The following TSHZ2 variants were observed in gnomAD, a reference collection of about 807,000 sequenced individuals.
TSHZ2 encodes teashirt zinc finger homeobox 2, also known as teashirt homolog 2.
Under a neutral mutation model 74.4 loss-of-function variants are expected in TSHZ2, and 21 were observed. The observed-to-expected ratio is 0.28, with a 90% CI of 0.20 to 0.41. The LOEUF is 0.41. Ranked by LOEUF, TSHZ2 falls within the 10% of genes least tolerant of loss-of-function variation. TSHZ2 has a pLI of 1.00. For synonymous variants in TSHZ2, 540 were observed against 515.3 expected (o/e 1.05, Z -0.65); for missense variants, 1,244 against 1,293.5 (o/e 0.96, Z 0.59).
chr20:53,002,626 AAAT>A (rs1490270502), intron 1 of TSHZ2, among the ~76,000 whole-genome samples: 1 of 151,472 alleles, frequency 6.6e-6, no homozygotes, highest in Admixed American at 6.6e-5. Flanking sequence ...ATAAAAAAGA[AAAT>A]AAATATTTTT....
At chr20:53,066,609 G>A (rs938883231) in intron 1 of TSHZ2, among the ~76,000 whole-genome samples, 1 of 152,180 alleles carries the variant, frequency 6.6e-6, no homozygotes, top group East Asian at 1.9e-4. Flanking sequence ...CTGGGTTCAA[G>A]TGATTCTCCC....
chr20:53,445,049 T>C (rs1984498634), intron 2 of TSHZ2, among the ~76,000 whole-genome samples: 2 of 152,082 alleles, frequency 1.3e-5, no homozygotes, highest in Non-Finnish European at 2.9e-5. Context: ...GGGCCTCCCA[T>C]CCTTGAATGT....
At chr20:53,353,777 G>A (rs1980742675) in intron 2 of TSHZ2, among the ~76,000 whole-genome samples, 1 of 152,180 alleles carries the variant, frequency 6.6e-6, no homozygotes, top group Non-Finnish European at 1.5e-5. Flanking sequence ...TTTATCATCA[G>A]GCAGTTGAAA....
chr20:53,220,645 C>T (rs1989533173), intron 1 of TSHZ2, among the ~76,000 whole-genome samples: 1 of 152,150 alleles, frequency 6.6e-6, no homozygotes, highest in African/African-American at 2.4e-5. Flanking sequence ...CACAAAGCCT[C>T]AAATGTCTAC....
chr20:53,367,137 T>A (rs1981292159), intron 2 of TSHZ2, among the ~76,000 whole-genome samples: 1 of 152,146 alleles, frequency 6.6e-6, no homozygotes, highest in African/African-American at 2.4e-5. Context: ...GACTCATGCC[T>A]GTAATCCCAG....
chr20:53,446,934 C>G (rs1984575136), intron 2 of TSHZ2, among the ~76,000 whole-genome samples: 1 of 152,180 alleles, frequency 6.6e-6, no homozygotes, highest in Non-Finnish European at 1.5e-5. Flanking sequence ...AAGAGCCTTC[C>G]TCCCCTCTAG....
chr20:53,334,286 G>C (rs181900510), intron 2 of TSHZ2, among the ~76,000 whole-genome samples: 4 of 152,338 alleles, frequency 2.6e-5, no homozygotes, highest in East Asian at 3.9e-4. Context: ...AAGGGATACA[G>C]TGTTTCCCAG....
At chr20:53,136,445 A>G (rs934338152) in intron 1 of TSHZ2, among the ~76,000 whole-genome samples, 2 of 151,846 alleles carry the variant, frequency 1.3e-5, no homozygotes, top group Admixed American at 6.6e-5. Context: ...ACTGGGAATA[A>G]TAACTCCTTC....
chr20:53,088,370 G>A (rs1423080526), intron 1 of TSHZ2, among the ~76,000 whole-genome samples: 4 of 152,192 alleles, frequency 2.6e-5, no homozygotes, highest in Admixed American at 1.3e-4. Flanking sequence ...ATTGCAATGA[G>A]TAATTTTGTT....
chr20:53,482,660 T>A (rs1194918268), intron 2 of TSHZ2, among the ~76,000 whole-genome samples: 3 of 152,190 alleles, frequency 2.0e-5, no homozygotes, highest in African/African-American at 7.2e-5. Flanking sequence ...CCCAGCACTT[T>A]GGGAGGCCAA....
chr20:53,148,742 C>T (rs1407166937), intron 1 of TSHZ2, among the ~76,000 whole-genome samples: 1 of 152,074 alleles, frequency 6.6e-6, no homozygotes, highest in African/African-American at 2.4e-5. Context: ...ACATAAAAGG[C>T]AGGTTATTAA....
intron 1 of TSHZ2, among the ~76,000 whole-genome samples, chr20:53,039,758 T>G (rs554918526): frequency 7.2e-6 from 1 of 139,786 alleles, no homozygotes; most frequent in African/African-American, 2.8e-5. Context: ...CTAGCCTGGG[T>G]GACAGAGCTA....
intron 1 of TSHZ2, among the ~76,000 whole-genome samples, chr20:53,204,371 T>C (rs920455695): frequency 5.5e-5 from 8 of 145,470 alleles, no homozygotes; most frequent in Admixed American, 6.9e-5. Context: ...TATATCATCA[T>C]ATAACATGAT....
intron 1 of TSHZ2, among the ~76,000 whole-genome samples, chr20:53,011,545 A>G (rs1283450686): frequency 1.3e-5 from 2 of 152,220 alleles, no homozygotes; most frequent in African/African-American, 2.4e-5. Context: ...TTCAGTTTCT[A>G]TCAGATTGTG....
intron 2 of TSHZ2, among the ~76,000 whole-genome samples, chr20:53,423,387 A>AC (rs1983547780): frequency 6.6e-6 from 1 of 151,086 alleles, no homozygotes; most frequent in African/African-American, 2.5e-5. Context: ...CCATCTCAAA[A>AC]AAAACAAACA....
rs1986468486 is a variant in TSHZ2 at position 53,492,214 on chromosome 20, T to C, written c.*5079T>C. On this transcript the variant is annotated 3_prime_UTR_variant, in exon 3 of 3. Transcript: ENST00000371497. Reference sequence around the variant, plus strand: ...AATATTAACAGAATTTGAACAATCATACAATTATGTCTCAAATGTGAAGAC... The same window carrying C: ...AATATTAACAGAATTTGAACAATCACACAATTATGTCTCAAATGTGAAGAC... 1 of 152,210 alleles carries C rather than the reference T, an allele frequency of 6.6e-6. No individual in the cohort carries two copies. Among genetic ancestry groups the C allele is most frequent in the Non-Finnish European group, 1.5e-5 (1 of 68,028 alleles). The allele number at this position is 152,210 out of a possible 1,614,324, so 9.4% of individuals were successfully genotyped here.
chr20:53,060,069 G>A (rs751756931), intron 1 of TSHZ2, among the ~76,000 whole-genome samples: 72 of 152,106 alleles, frequency 4.7e-4, no homozygotes, highest in Non-Finnish European at 9.0e-4. Context: ...GTAGATTTGC[G>A]GCTTCTCTCT....
intron 1 of TSHZ2, among the ~76,000 whole-genome samples, chr20:53,075,564 G>A (rs1418776574): frequency 6.6e-6 from 1 of 152,192 alleles, no homozygotes; most frequent in Non-Finnish European, 1.5e-5. Flanking sequence ...GAGGGGAGAA[G>A]CAAGTGCAAA....
Position 53,454,290 on chromosome 20 carries a change from G to A in TSHZ2, c.*9-32854G>A, listed in dbSNP as rs961438462. Among the ~76,000 whole-genome samples the A allele has an allele frequency of 4.4e-4, 67 of 152,220 alleles. 1 individual carries two copies. Among genetic ancestry groups the A allele is most frequent in the Non-Finnish European group, 1.6e-4 (11 of 68,004 alleles). ...TTTAAAATGTCTTTAAAGGCCAGGC[G>A]TGGTGGCTCACACCTGTAATCCCAG... On this transcript the variant is annotated intron_variant, in intron 2 of 2. Coordinates refer to ENST00000371497, the MANE Select transcript of TSHZ2 (RefSeq NM_173485.6).
Sources: allele counts gnomAD v4.1 joint callset (sites outside exome capture counted in the v4.1 genomes callset), GRCh38; gene constraint gnomAD v4.1.1; transcripts MANE v1.5; gene names NCBI Gene and HGNC (gene_info 2026-07-23, HGNC 2026-07-21).